The following PCED1A variants were observed in gnomAD, a reference collection of about 807,000 sequenced individuals.
PCED1A encodes the protein PC-esterase domain containing 1A.
PCED1A carries 20 observed loss-of-function variants against 41.9 expected under a neutral mutation model. The ratio of observed to expected loss-of-function variants is 0.48; its 90% CI spans 0.34 to 0.69. PCED1A has a LOEUF of 0.69. Among genes scored for constraint, PCED1A ranks in the 30% least tolerant of loss-of-function variants. The pLI is 0.01. For synonymous variants in PCED1A, 236 were observed against 241.3 expected (o/e 0.98, Z 0.20); for missense variants, 498 against 602.1 (o/e 0.83, Z 1.81).
chr20:2,838,407 C>T lies in PCED1A; in HGVS notation c.666G>A (p.Gly222=), dbSNP rs781538015. 5 of 1,614,222 alleles carry T rather than the reference C, an allele frequency of 3.1e-6. No individual in the cohort carries two copies. The highest frequency in any genetic ancestry group is 4.2e-6 in the Non-Finnish European group (5 of 1,180,042). The part of the protein sequence containing the change: ...EGNFYSATLA[G]DHCFDVLDLH... ...GGTCTAGGACATCAAAGCAGTGGTC[C>T]CCGGCCAGCGTAGCACTGTAGAAGT... The change falls in exon 6 of 8, where the codon GGG becomes GGA. Residue 222 remains glycine (G), a synonymous_variant. Transcript: ENST00000360652. This position sits in a 1 kb window ranked among gnomAD's most constrained non-coding sequence, Gnocchi z 5.8.
Position 2,835,416 on chromosome 20 carries a change from G to A in PCED1A, c.*46C>T, listed in dbSNP as rs752669643. 1.5e-5 allele frequency: 24 copies of A among 1,562,080 alleles called. No individual in the cohort carries two copies. The African/African-American group carries it at 2.4e-4, about 16-fold the overall frequency. On this transcript the variant is annotated 3_prime_UTR_variant, in exon 8 of 8. Coordinates refer to ENST00000360652, the MANE Select transcript of PCED1A (RefSeq NM_022760.6). Reference sequence around the variant, plus strand: ...GCCCAGTACCTGAGGTGCCAGGCAGGCCCTGAAGGGCCATTGGCACATCCA... The same window carrying A: ...GCCCAGTACCTGAGGTGCCAGGCAGACCCTGAAGGGCCATTGGCACATCCA...
chr20:2,835,737 C>T, intron 7 of PCED1A, 28 bp from the exon 8 acceptor site: 5 of 1,525,890 alleles, frequency 3.3e-6, no homozygotes, highest in Middle Eastern at 1.8e-4. Context: ...ATTATAAGAG[C>T]AGGCTTCTGG....
chr20:2,836,947 G>A (rs572192658), intron 6 of PCED1A, among the ~76,000 whole-genome samples: 6 of 152,262 alleles, frequency 3.9e-5, no homozygotes, highest in African/African-American at 1.4e-4. Flanking sequence ...CCTCACAGCT[G>A]CCACTGTGCC....
Position 2,836,012 on chromosome 20 carries a change from G to T in PCED1A, c.1117+27C>A, listed in dbSNP as rs1441444923. 1.9e-5 allele frequency: 28 copies of T among 1,468,498 alleles called. 1 individual carries two copies. In the South Asian group the frequency reaches 3.9e-4, roughly 20 times the overall value. 91.0% of individuals were successfully genotyped at this position (1,468,498 alleles called of 1,614,324 possible). A position where few individuals can be genotyped will look rare whatever the true frequency, so the allele number is the denominator to read the frequency against. On this transcript the variant is annotated intron_variant, in intron 7 of 7. Transcript: ENST00000360652. ...AGGCTGGGTAAGGGGAGGTACAAGA[G>T]GGTGGGGGAGCTGCAGAAGCACCTA...
rs1235263927 is a variant in PCED1A, at chr20:2,837,586, A to G, written c.841+646T>C. ...CATGGAAACAGAGGTTCTGCAGCAG[A>G]GTGTTACAGTTGAGATGTGATGGGG... is the stretch of plus-strand genomic sequence containing the variant. On this transcript the variant is annotated intron_variant, in intron 6 of 7. Transcript: ENST00000360652. Among the ~76,000 whole-genome samples, 5 of 152,144 alleles carry G rather than the reference A, an allele frequency of 3.3e-5. No homozygotes were observed. The East Asian group carries it at 7.7e-4, about 23-fold the overall frequency.
At chr20:2,839,959 G>C (rs747622631) in intron 1 of PCED1A, 26 bp from the exon 2 acceptor site, 5 of 1,582,184 alleles carry the variant, frequency 3.2e-6, no homozygotes, top group African/African-American at 2.7e-5. Flanking sequence ...ACTAAGCAGC[G>C]CGATGGTGGG....
chr20:2,839,572 C>G (rs1360766646), intron 2 of PCED1A, among the ~76,000 whole-genome samples: 1 of 152,066 alleles, frequency 6.6e-6, no homozygotes, highest in Non-Finnish European at 1.5e-5. Flanking sequence ...GCTGTCAGGG[C>G]GAGAAATGCT....
Position 2,840,623 on chromosome 20 carries a change from G to C in PCED1A, c.-434C>G. 2 of 821,908 alleles carry C rather than the reference G, an allele frequency of 2.4e-6. No individual in the cohort carries two copies. Among genetic ancestry groups the C allele is most frequent in the Non-Finnish European group, 3.9e-6 (2 of 507,580 alleles). 50.9% of individuals were successfully genotyped at this position (821,908 alleles called of 1,614,324 possible). A position where few individuals can be genotyped will look rare whatever the true frequency, so the allele number is the denominator to read the frequency against. ...AGCCCAGGTACGGGCTGGGGTCTCG[G>C]GGCGGCAGCCAAGTGAGGCTGCCCA... On this transcript the variant is annotated 5_prime_UTR_variant, in exon 1 of 8. Transcript: ENST00000360652.
upstream of PCED1A, chr20:2,840,791 C>A: frequency 6.5e-7 from 1 of 1,548,388 alleles, no homozygotes; most frequent in Non-Finnish European, 8.7e-7. Flanking sequence ...TGCTACACGG[C>A]GAACTGGAAC....
rs1218738873 is a variant in PCED1A at position 2,838,366 on chromosome 20, CG to C, written c.706del (p.Arg236GlyfsTer27). On this transcript the variant is annotated frameshift_variant, in exon 6 of 8. Coordinates refer to ENST00000360652, the MANE Select transcript of PCED1A (RefSeq NM_022760.6). LOFTEE classifies it high-confidence loss of function. The surrounding 1 kb of genome is among the most constrained non-coding windows in gnomAD (Gnocchi z 5.8). ...FDVLDLHFHF[R>X]HAVQHRHRDG... ...CCGATGACGGTGCTGTACTGCATGC[CG>C]GAAGTGAAAGTGGAGGTCTAGGACA... is the stretch of plus-strand genomic sequence containing the variant. 3.1e-6 allele frequency: 5 copies of C among 1,614,118 alleles called. No homozygotes were observed. Among genetic ancestry groups the C allele is most frequent in the Non-Finnish European group, 4.2e-6 (5 of 1,180,054 alleles).
At position 2,840,237 on chromosome 20, in the gene PCED1A, C is replaced by T. The variant is rs552484151; in HGVS notation, c.-48G>A. ...AAGTCCCGGGGCTCCGCGGTGTTCA[C>T]CCGCGACCCGGGTATGCCTGCGCAC... On this transcript the variant is annotated 5_prime_UTR_variant, in exon 1 of 8. It adds an upstream start codon to the 5' untranslated region. Transcript: ENST00000360652. 5.5e-4 allele frequency: 145 copies of T among 262,440 alleles called. No individual in the cohort carries two copies. The East Asian group carries it at 0.013, about 23-fold the overall frequency. 16.3% of individuals were successfully genotyped at this position (262,440 alleles called of 1,614,324 possible).
At chr20:2,840,872 C>G, upstream of PCED1A, 1 of 1,512,930 alleles carries the variant, frequency 6.6e-7, no homozygotes, top group South Asian at 1.2e-5. Flanking sequence ...TTACCCTGCT[C>G]GCCCGCCGGC....
In PCED1A at chr20:2,835,472, C is replaced by T. The variant is rs1223647629; in HGVS notation, c.1355G>A (p.Trp452Ter). The stretch of plus-strand genomic sequence containing the variant: ...AGCCCAAGATCCAGTCTACCCAGGC[C>T]ATGTCCCCGAATGGGCAGGAGGCCG... The part of the protein sequence containing the change: ...DRRPPAHSGT[W>*]PG The change falls in exon 8 of 8, where the codon TGG (tryptophan) becomes TAG (stop). Residue 452 changes from tryptophan to a stop codon, truncating the protein, a stop_gained. Transcript: ENST00000360652. LOFTEE classifies it high-confidence loss of function. The T allele has an allele frequency of 6.2e-7, 1 of 1,609,760 alleles. No individual in the cohort carries two copies. Among genetic ancestry groups the T allele is most frequent in the Admixed American group, 1.7e-5 (1 of 59,820 alleles).
intron 2 of PCED1A, 90 bp downstream of exon 2, chr20:2,839,699 A>G (rs1213571621): frequency 2.3e-5 from 35 of 1,543,152 alleles, no homozygotes; most frequent in Non-Finnish European, 2.6e-5. Flanking sequence ...AAGACAGACA[A>G]GAGATGTGAG....
intron 6 of PCED1A, among the ~76,000 whole-genome samples, chr20:2,837,582 G>A (rs765611029): frequency 6.6e-5 from 10 of 152,246 alleles, no homozygotes; most frequent in South Asian, 6.2e-4. Flanking sequence ...AGGTTCTGCA[G>A]CAGAGTGTTA....
chr20:2,840,614 G>A lies in PCED1A; in HGVS notation c.-425C>T. The A allele has an allele frequency of 1.3e-6, 1 of 760,312 alleles. No individual in the cohort carries two copies. Among genetic ancestry groups the A allele is most frequent in the Admixed American group, 2.3e-5 (1 of 43,226 alleles). 47.1% of individuals were successfully genotyped at this position (760,312 alleles called of 1,614,324 possible). A position where few individuals can be genotyped will look rare whatever the true frequency, so the allele number is the denominator to read the frequency against. On this transcript the variant is annotated 5_prime_UTR_variant, in exon 1 of 8. Coordinates refer to ENST00000360652, the MANE Select transcript of PCED1A (RefSeq NM_022760.6). ...CGGGCGCGAAGCCCAGGTACGGGCT[G>A]GGGTCTCGGGGCGGCAGCCAAGTGA...
Position 2,839,901 on chromosome 20 carries a change from A to T in PCED1A, c.12T>A (p.Cys4Ter). Residue 4 changes from cysteine to a stop codon, truncating the protein, a stop_gained, in exon 2 of 8, where the codon TGT becomes TGA. Coordinates refer to ENST00000360652, the MANE Select transcript of PCED1A (RefSeq NM_022760.6). LOFTEE classifies it high-confidence loss of function. ...GGCGGCGCGGCTCCTCGCTCGACAG[A>T]CAGAAGACCATGCCGCCACCAGCAA... MVF[C>*]LSSEEPRRPL... is the part of the protein sequence containing the mutation. 4.3e-6 allele frequency: 7 copies of T among 1,612,592 alleles called. No homozygotes were observed. The highest frequency in any genetic ancestry group is 5.9e-6 in the Non-Finnish European group (7 of 1,179,688).
upstream of PCED1A, chr20:2,840,835 G>GGGCCCCCCCCCC: frequency 6.6e-7 from 1 of 1,524,320 alleles, no homozygotes; most frequent in Non-Finnish European, 8.9e-7. Context: ...CCGGTGAGCT[G>GGGCCCCCCCCCC]CCCCGCCCTC....
intron 7 of PCED1A, 94 bp from the exon 8 acceptor site, chr20:2,835,803 C>G: frequency 6.7e-7 from 1 of 1,501,880 alleles, no homozygotes; most frequent in South Asian, 1.4e-5. Context: ...GTGAGCTTCT[C>G]TGTTTCCCTA....
Sources: gnomAD v4.1 joint callset for allele counts (sites outside exome capture counted in the v4.1 genomes callset) on GRCh38, gnomAD v4.1.1 for gene constraint, Gnocchi (gnomAD v3.1) non-coding constraint, MANE v1.5 for transcripts, NCBI Gene and HGNC (gene_info 2026-07-23, HGNC 2026-07-21) for gene names.